The following SLIT1 variants were observed in gnomAD, a reference collection of about 807,000 sequenced individuals.
SLIT1 encodes slit homolog 1 protein.
SLIT1 carries 66 observed loss-of-function variants against 186.1 expected under a neutral mutation model. The observed-to-expected ratio is 0.35, with a 90% CI of 0.29 to 0.44. SLIT1 has a LOEUF of 0.44. Ranked by LOEUF, SLIT1 falls within the 20% of genes least tolerant of loss-of-function variation. SLIT1 has a pLI of 1.00. For synonymous variants in SLIT1, 761 were observed against 833.8 expected (o/e 0.91, Z 1.50); for missense variants, 1,638 against 2,037.4 (o/e 0.80, Z 3.77).
At chr10:97,041,171 A>G (rs927002484) in intron 20 of SLIT1, among the ~76,000 whole-genome samples, 1 of 152,134 alleles carries the variant, frequency 6.6e-6, no homozygotes, top group East Asian at 1.9e-4. Context: ...TCTAGGGGAG[A>G]GTGGAATATA....
chr10:97,128,836 T>C (rs1032334460), intron 4 of SLIT1, among the ~76,000 whole-genome samples: 1 of 152,174 alleles, frequency 6.6e-6, no homozygotes, highest in Non-Finnish European at 1.5e-5. Context: ...TACTCAATGA[T>C]GTTCAGGCCC....
chr10:97,058,189 CA>C (rs1413427468), intron 11 of SLIT1: 1 of 649,902 alleles, frequency 1.5e-6, no homozygotes, highest in Non-Finnish European at 2.8e-6. Flanking sequence ...ATCAGATTCC[CA>C]TTTCAGAAAC....
chr10:97,052,494 G>C (rs1321155352), intron 13 of SLIT1, among the ~76,000 whole-genome samples: 3 of 152,222 alleles, frequency 2.0e-5, no homozygotes, highest in African/African-American at 7.2e-5. Flanking sequence ...TGGAAATGGG[G>C]ACAAGGGATT....
At chr10:97,130,785 A>G (rs962968793) in intron 4 of SLIT1, among the ~76,000 whole-genome samples, 5 of 152,214 alleles carry the variant, frequency 3.3e-5, no homozygotes, top group Non-Finnish European at 5.9e-5. Context: ...AAGCATTTAG[A>G]ACATCACGAG....
Position 97,057,038 on chromosome 10 carries a change from C to T in SLIT1, c.1157+172G>A, listed in dbSNP as rs370440245. 2.0e-4 allele frequency among the ~76,000 whole-genome samples: 31 copies of T among 152,358 alleles called. No individual in the cohort carries two copies. In the East Asian group the frequency reaches 5.4e-3, roughly 27 times the overall value. The stretch of plus-strand genomic sequence containing the variant: ...AGCTGCCTCTACCTCCTTCTCTAGC[C>T]TCTGCAGAGCCCTGGAGACTTTCTC... On this transcript the variant is annotated intron_variant, in intron 12 of 36. Coordinates refer to ENST00000266058, the MANE Select transcript of SLIT1 (RefSeq NM_003061.3).
chr10:97,036,122 A>G (rs992322076), intron 22 of SLIT1, among the ~76,000 whole-genome samples: 15 of 152,218 alleles, frequency 9.9e-5, no homozygotes, highest in African/African-American at 3.6e-4. Context: ...AGCTCAGGAA[A>G]CATTTAGAAA....
chr10:97,056,951 C>A (rs1168744464), intron 12 of SLIT1, among the ~76,000 whole-genome samples: 1 of 152,204 alleles, frequency 6.6e-6, no homozygotes, highest in Non-Finnish European at 1.5e-5. Flanking sequence ...CACCAAGCTC[C>A]TCAGGAGCAC....
chr10:97,132,502 C>G (rs1175454607), intron 4 of SLIT1, among the ~76,000 whole-genome samples: 1 of 152,150 alleles, frequency 6.6e-6, no homozygotes, highest in Non-Finnish European at 1.5e-5. Flanking sequence ...GACCTGGTAC[C>G]CAAGTTGTCC....
At chr10:97,099,778 G>T (rs1849331960) in intron 4 of SLIT1, among the ~76,000 whole-genome samples, 1 of 152,182 alleles carries the variant, frequency 6.6e-6, no homozygotes, top group African/African-American at 2.4e-5. Context: ...GGAGGCCAGA[G>T]ACCCCGGGCA....
rs1231884231 is a variant in SLIT1 at position 97,021,842 on chromosome 10, C to T, written c.2583-429G>A. ...CCTCCCAAAGTGCTGGGATTACAGGCGTGAGCCACCGTGCCTGGCTGCCAG... is the reference window on the plus strand; with the variant it reads ...CCTCCCAAAGTGCTGGGATTACAGGTGTGAGCCACCGTGCCTGGCTGCCAG... On this transcript the variant is annotated intron_variant, in intron 25 of 36. Transcript: ENST00000266058. The surrounding 1 kb of genome is among the most constrained non-coding windows in gnomAD (Gnocchi z 4.5). Among the ~76,000 whole-genome samples, 1 of 152,182 alleles carries T rather than the reference C, an allele frequency of 6.6e-6. No homozygotes were observed. The highest frequency in any genetic ancestry group is 6.5e-5 in the Admixed American group (1 of 15,284).
intron 16 of SLIT1, 125 bp downstream of exon 16, chr10:97,047,565 C>G: frequency 2.0e-6 from 2 of 987,312 alleles, no homozygotes. Flanking sequence ...GTTGGTATGT[C>G]CTGAGCCAGA....
At chr10:97,070,025 C>T (rs1422710695) in intron 4 of SLIT1, among the ~76,000 whole-genome samples, 2 of 152,160 alleles carry the variant, frequency 1.3e-5, no homozygotes, top group African/African-American at 4.8e-5. Flanking sequence ...CTGGGGAGGC[C>T]CACATGGAGA....
intron 4 of SLIT1, among the ~76,000 whole-genome samples, chr10:97,099,151 T>TC (rs1849323608): frequency 6.7e-6 from 1 of 149,252 alleles, no homozygotes; most frequent in Non-Finnish European, 1.5e-5. Flanking sequence ...GTGTCCAGTT[T>TC]GGGGGGATGC....
chr10:97,134,550 C>G (rs532736557), intron 4 of SLIT1, among the ~76,000 whole-genome samples: 2 of 152,220 alleles, frequency 1.3e-5, no homozygotes, highest in South Asian at 2.1e-4. Context: ...ACCCTAAGCC[C>G]GAGCTGCAGA....
In SLIT1 at chr10:97,037,397, G is replaced by T. The variant is rs144565406; in HGVS notation, c.2366+301C>A. On this transcript the variant is annotated intron_variant, in intron 22 of 36. Coordinates refer to ENST00000266058, the MANE Select transcript of SLIT1 (RefSeq NM_003061.3). ...ATTACAGGTGTGAGCCACCGTGCCC[G>T]CCCGACCAGGATAACCCTTTTAACA... 3.4e-3 allele frequency among the ~76,000 whole-genome samples: 511 copies of T among 152,194 alleles called. 4 individuals carry two copies. The highest frequency in any genetic ancestry group is 0.011 in the African/African-American group (468 of 41,522).
chr10:97,154,111 A>T (rs1849916150), intron 4 of SLIT1: 1 of 152,266 alleles, frequency 6.6e-6, no homozygotes, highest in Non-Finnish European at 1.5e-5. Flanking sequence ...GGTCAATAGA[A>T]TGGGGCAGGG....
intron 4 of SLIT1, among the ~76,000 whole-genome samples, chr10:97,138,006 C>T (rs1338398562): frequency 6.6e-6 from 1 of 152,244 alleles, no homozygotes; most frequent in African/African-American, 2.4e-5. Context: ...CTAAACTCAA[C>T]TTCCCTGTTG....
chr10:97,125,708 G>A (rs574404536), intron 4 of SLIT1, among the ~76,000 whole-genome samples: 243 of 151,724 alleles, frequency 1.6e-3, no homozygotes, highest in Non-Finnish European at 3.0e-3. Flanking sequence ...GCTTGGTGGT[G>A]CATGCCTGTA....
At chr10:97,088,989 C>T (rs1364371911) in intron 4 of SLIT1, among the ~76,000 whole-genome samples, 10 of 152,172 alleles carry the variant, frequency 6.6e-5, no homozygotes, top group Admixed American at 2.6e-4. Context: ...CCAGAAGCCC[C>T]GGCCACTTGC....
Sources: allele counts gnomAD v4.1 joint callset (sites outside exome capture counted in the v4.1 genomes callset), GRCh38; gene constraint gnomAD v4.1.1; non-coding constraint Gnocchi (gnomAD v3.1); transcripts MANE v1.5; gene names NCBI Gene and HGNC (gene_info 2026-07-23, HGNC 2026-07-21).